DHTKD1: variants seen among roughly 807,000 people sequenced by gnomAD.
The protein encoded by DHTKD1 is dehydrogenase E1 and transketolase domain containing 1.
A neutral mutation model predicts 101.8 loss-of-function variants in DHTKD1; 78 were observed. The observed-to-expected ratio is 0.77, with a 90% CI of 0.64 to 0.93. The LOEUF is 0.93. Ranked by LOEUF, DHTKD1 falls within the 40% of genes least tolerant of loss-of-function variation. The pLI, the probability that DHTKD1 is intolerant of heterozygous loss-of-function variation, is 0.00. For missense variants in DHTKD1, 1,223 were observed against 1,161.7 expected, an observed-to-expected ratio of 1.05 and a Z score of -0.77; for synonymous variants, 462 against 450.3, an observed-to-expected ratio of 1.03 and a Z score of -0.33.
intron 7 of DHTKD1, among the ~76,000 whole-genome samples, chr10:12,095,831 AAAG>A (rs1833062650): frequency 4.8e-5 from 4 of 82,800 alleles, no homozygotes; most frequent in South Asian, 3.6e-4. Context: ...AAAAAAAAAA[AAAG>A]AAAAGAAAAG....
chr10:12,086,148 G>A (rs927858729), intron 3 of DHTKD1, among the ~76,000 whole-genome samples: 16 of 149,060 alleles, frequency 1.1e-4, no homozygotes, highest in Non-Finnish European at 1.5e-5. Flanking sequence ...GATTACAGGC[G>A]TGAGCCACCA....
chr10:12,090,860 A>G (rs1278247431), intron 5 of DHTKD1, among the ~76,000 whole-genome samples: 1 of 152,098 alleles, frequency 6.6e-6, no homozygotes, highest in African/African-American at 2.4e-5. Context: ...ATAATTTATA[A>G]TACTCTATTT....
At chr10:12,093,110 C>T (rs1329097307) in intron 6 of DHTKD1, among the ~76,000 whole-genome samples, 1 of 150,502 alleles carries the variant, frequency 6.6e-6, no homozygotes, top group Non-Finnish European at 1.5e-5. Context: ...ATGGCGCCAT[C>T]TCGGTTCACC....
intron 3 of DHTKD1, among the ~76,000 whole-genome samples, chr10:12,086,339 G>C (rs1832898055): frequency 6.7e-6 from 1 of 149,046 alleles, no homozygotes. Flanking sequence ...TCCTGCCTCA[G>C]CCTCCCAAGT....
intron 1 of DHTKD1, among the ~76,000 whole-genome samples, chr10:12,076,771 A>G (rs187712211): frequency 0.017 from 2,507 of 151,372 alleles, 67 homozygotes; most frequent in African/African-American, 0.057. Flanking sequence ...CCATTCTCCT[A>G]CCTCAGCCTC....
Position 12,118,783 on chromosome 10 carries a change from T to TTCTA in DHTKD1, c.2438_2441dup (p.Ser815LeufsTer16). 1 of 1,603,188 alleles carries TTCTA rather than the reference T, an allele frequency of 6.2e-7. No homozygotes were observed. Among genetic ancestry groups the TTCTA allele is most frequent in the Non-Finnish European group, 8.5e-7 (1 of 1,175,738 alleles). On this transcript the variant is annotated frameshift_variant, in exon 15 of 17. Coordinates refer to ENST00000263035, the MANE Select transcript of DHTKD1 (RefSeq NM_018706.7). LOFTEE classifies it high-confidence loss of function. ...CCTCGTGTTCTGCTCCGGCAAACAT[T>TTCTA]TCTACTCCCTGGTGAAACAAAGAGA...
intron 13 of DHTKD1, among the ~76,000 whole-genome samples, chr10:12,114,658 A>C (rs1370500648): frequency 1.3e-5 from 2 of 152,010 alleles, no homozygotes; most frequent in Non-Finnish European, 1.5e-5. Context: ...AGACGTTTAG[A>C]ATTTGGCCAT....
chr10:12,084,003 A>G (rs1435663860), intron 2 of DHTKD1, among the ~76,000 whole-genome samples: 1 of 150,062 alleles, frequency 6.7e-6, no homozygotes, highest in Non-Finnish European at 1.5e-5. Context: ...GCTCACTGCA[A>G]CCTCTGCCTC....
chr10:12,089,286 G>A, intron 5 of DHTKD1, 31 bp downstream of exon 5: 1 of 1,600,308 alleles, frequency 6.2e-7, no homozygotes, highest in East Asian at 2.2e-5. Flanking sequence ...TGAGGCCAGA[G>A]GTGGGGAAAA....
intron 8 of DHTKD1, among the ~76,000 whole-genome samples, chr10:12,098,739 A>G (rs1298088547): frequency 1.3e-5 from 2 of 152,046 alleles, no homozygotes; most frequent in Admixed American, 1.3e-4. Context: ...TAATTTTTGT[A>G]TTTTTAGTAG....
At chr10:12,082,633 C>A (rs866106392) in intron 2 of DHTKD1, among the ~76,000 whole-genome samples, 1 of 144,928 alleles carries the variant, frequency 6.9e-6, no homozygotes, top group Non-Finnish European at 1.5e-5. Flanking sequence ...TTTTTTGAGA[C>A]GGGCCTCCAA....
At chr10:12,071,083 T>G (rs1358311620) in intron 1 of DHTKD1, among the ~76,000 whole-genome samples, 1 of 152,220 alleles carries the variant, frequency 6.6e-6, no homozygotes, top group East Asian at 1.9e-4. Flanking sequence ...GCCATATATA[T>G]TTTTAGGCTC....
rs199582236 is a variant in DHTKD1 at position 12,084,798 on chromosome 10, C to G, written c.522+47C>G. ...GGGCACGGTGGCTCATGCCTGTAAT[C>G]CCAGCACTTTGGGAGGCCGAGGCGG... On this transcript the variant is annotated intron_variant, in intron 3 of 16. Transcript: ENST00000263035. 1.6e-5 allele frequency: 25 copies of G among 1,574,728 alleles called. No homozygotes were observed. The East Asian group carries it at 5.2e-4, about 33-fold the overall frequency.
chr10:12,111,296 G>T (rs1485277761), intron 12 of DHTKD1, among the ~76,000 whole-genome samples: 1 of 152,122 alleles, frequency 6.6e-6, no homozygotes, highest in East Asian at 1.9e-4. Context: ...CTCCCGAGTA[G>T]CTGGGATTAT....
Position 12,110,173 on chromosome 10 carries a change from C to A in DHTKD1, c.2154+2158C>A, listed in dbSNP as rs990862934. ...ATTAGCCGGGCACGGTGGCAGGCAC[C>A]TGTAGTCCCAGCTACTTGGGAGGCT... On this transcript the variant is annotated intron_variant, in intron 12 of 16. Transcript: ENST00000263035. The surrounding 1 kb of genome is among the most constrained non-coding windows in gnomAD (Gnocchi z 4.9). Among the ~76,000 whole-genome samples the A allele has an allele frequency of 2.0e-5, 3 of 152,158 alleles. No individual in the cohort carries two copies. The highest frequency in any genetic ancestry group is 7.2e-5 in the African/African-American group (3 of 41,444).
At position 12,100,970 on chromosome 10, in the gene DHTKD1, A is replaced by T. The variant is rs1833159304; in HGVS notation, c.1757-72A>T. 6.6e-6 allele frequency: 10 copies of T among 1,511,908 alleles called. No homozygotes were observed. The Admixed American group carries it at 1.8e-4, about 27-fold the overall frequency. 93.7% of individuals were successfully genotyped at this position (1,511,908 alleles called of 1,614,324 possible). ...TCTCAGGATTAAGCCAGTATATAAG[A>T]ATTTACAGTCACCACACCTTATTAT... On this transcript the variant is annotated intron_variant, in intron 9 of 16. Coordinates refer to ENST00000263035, the MANE Select transcript of DHTKD1 (RefSeq NM_018706.7).
At chr10:12,101,304 G>C in intron 10 of DHTKD1, 123 bp downstream of exon 10, 1 of 1,071,920 alleles carries the variant, frequency 9.3e-7, no homozygotes, top group South Asian at 1.8e-5. Context: ...GTAAAGGAGT[G>C]CTAAATGGGT....
intron 1 of DHTKD1, 90 bp from the exon 2 acceptor site, chr10:12,081,382 G>C: frequency 1.9e-6 from 2 of 1,059,358 alleles, no homozygotes; most frequent in Non-Finnish European, 2.9e-6. Context: ...AAGGTGTCTA[G>C]GGCTGTAAGA....
intron 1 of DHTKD1, 72 bp downstream of exon 1, chr10:12,069,259 G>A: frequency 7.2e-7 from 1 of 1,393,386 alleles, no homozygotes; most frequent in Non-Finnish European, 9.4e-7. Context: ...ATTTGCGGTG[G>A]GGTGTCGGGG....
Sources: gnomAD v4.1 joint callset for allele counts (sites outside exome capture counted in the v4.1 genomes callset) on GRCh38, gnomAD v4.1.1 for gene constraint, Gnocchi (gnomAD v3.1) non-coding constraint, MANE v1.5 for transcripts, NCBI Gene and HGNC (gene_info 2026-07-23, HGNC 2026-07-21) for gene names.